Variants in ENOX1 observed in about 807,000 individuals in gnomAD.
ENOX1 encodes the protein ecto-NOX disulfide-thiol exchanger 1, also known as candidate growth-related and time keeping constitutive hydroquinone (NADH) oxidase.
A neutral mutation model predicts 82.5 loss-of-function variants in ENOX1; 42 were observed. The observed-to-expected ratio is 0.51, with a 90% CI of 0.40 to 0.66. The LOEUF (loss-of-function observed/expected upper bound fraction) is 0.66, where lower values mean the gene tolerates loss of function less well. Among genes scored for constraint, ENOX1 ranks in the 30% least tolerant of loss-of-function variants. ENOX1 has a pLI of 0.00. For synonymous variants in ENOX1, 271 were observed against 282.2 expected, an observed-to-expected ratio of 0.96 and a Z score of 0.40; for missense variants, 608 against 811.6, an observed-to-expected ratio of 0.75 and a Z score of 3.05.
At chr13:43,506,094 C>T (rs2077150253) in intron 2 of ENOX1, among the ~76,000 whole-genome samples, 1 of 152,012 alleles carries the variant, frequency 6.6e-6, no homozygotes, top group Admixed American at 6.6e-5. Context: ...CGGCTCTGTT[C>T]TCTTCCATTG....
chr13:43,464,019 A>G (rs1482096737), intron 3 of ENOX1, among the ~76,000 whole-genome samples: 2 of 152,208 alleles, frequency 1.3e-5, no homozygotes, highest in African/African-American at 2.4e-5. Flanking sequence ...GCTTACAGGC[A>G]CACACACAGG....
intron 2 of ENOX1, among the ~76,000 whole-genome samples, chr13:43,589,530 G>T (rs1281918545): frequency 6.6e-6 from 1 of 152,076 alleles, no homozygotes; most frequent in Non-Finnish European, 1.5e-5. Flanking sequence ...TATCAAGATA[G>T]GGTGTCACTC....
intron 12 of ENOX1, among the ~76,000 whole-genome samples, chr13:43,284,737 C>T (rs2045588358): frequency 6.6e-6 from 1 of 150,926 alleles, no homozygotes; most frequent in Admixed American, 6.6e-5. Flanking sequence ...ATTTTCTTCC[C>T]CAGTAAATAA....
chr13:43,617,232 G>A (rs903072903), intron 2 of ENOX1, among the ~76,000 whole-genome samples: 5 of 152,150 alleles, frequency 3.3e-5, no homozygotes, highest in Non-Finnish European at 4.4e-5. Flanking sequence ...TGGGCATTCC[G>A]TGTGTTTCTG....
chr13:43,683,400 C>T (rs1473802873), intron 1 of ENOX1, among the ~76,000 whole-genome samples: 1 of 152,048 alleles, frequency 6.6e-6, no homozygotes, highest in African/African-American at 2.4e-5. Context: ...AGATGCACTA[C>T]ACTAATGTAA....
In ENOX1 at chr13:43,557,293, G is replaced by A. The variant is rs2079482719; in HGVS notation, c.-218-73141C>T. Among the ~76,000 whole-genome samples the A allele has an allele frequency of 2.6e-5, 4 of 152,142 alleles. No homozygotes were observed. The South Asian group carries it at 8.3e-4, about 32-fold the overall frequency. The stretch of plus-strand genomic sequence containing the variant: ...CAGATTTCATGTATGGCCAGAAGGT[G>A]GTAGGGGTTTCCATAAAGCGGTCTG... On this transcript the variant is annotated intron_variant, in intron 2 of 16. Coordinates refer to ENST00000690772, the MANE Select transcript of ENOX1 (RefSeq NM_001347969.2).
At chr13:43,780,901 A>C (rs900655433) in intron 1 of ENOX1, among the ~76,000 whole-genome samples, 14 of 152,196 alleles carry the variant, frequency 9.2e-5, no homozygotes, top group African/African-American at 3.4e-4. Flanking sequence ...AGAGATGTTA[A>C]CACAGCACCT....
At chr13:43,534,748 T>G (rs907540946) in intron 2 of ENOX1, among the ~76,000 whole-genome samples, 4 of 152,138 alleles carry the variant, frequency 2.6e-5, no homozygotes, top group African/African-American at 9.7e-5. Flanking sequence ...CTGGAGACAT[T>G]TTTGGCTATC....
At chr13:43,600,713 T>G (rs544841570) in intron 2 of ENOX1, among the ~76,000 whole-genome samples, 1 of 152,100 alleles carries the variant, frequency 6.6e-6, no homozygotes, top group African/African-American at 2.4e-5. Flanking sequence ...CCGCAGGCCT[T>G]CGGCAAGACC....
chr13:43,285,510 C>T (rs2045640815), intron 12 of ENOX1, among the ~76,000 whole-genome samples: 1 of 152,018 alleles, frequency 6.6e-6, no homozygotes, highest in South Asian at 2.1e-4. Flanking sequence ...AACTGCTACT[C>T]CCACCTATAT....
chr13:43,327,350 T>C (rs774384667), intron 9 of ENOX1, among the ~76,000 whole-genome samples: 1 of 152,204 alleles, frequency 6.6e-6, no homozygotes, highest in Non-Finnish European at 1.5e-5. Context: ...TGACTTAATT[T>C]AGTACTTCTG....
At chr13:43,510,948 T>C (rs1278957312) in intron 2 of ENOX1, among the ~76,000 whole-genome samples, 2 of 152,082 alleles carry the variant, frequency 1.3e-5, no homozygotes, top group East Asian at 3.9e-4. Context: ...GCAGAAAAAA[T>C]ATAAGGAAAT....
chr13:43,650,664 C>CG lies in ENOX1; in HGVS notation c.-219+16814_-219+16815insC, dbSNP rs2084121710. ...GACCATCCTGGGCAACATGGTGAAA[C>CG]CCGTCTCTACTAAAAACACAAAAAT... is the stretch of plus-strand genomic sequence containing the variant. On this transcript the variant is annotated intron_variant, in intron 2 of 16. Transcript: ENST00000690772. Among the ~76,000 whole-genome samples the CG allele has an allele frequency of 0.038, 6 of 158 alleles. No homozygotes were observed. The South Asian group carries it at 0.5, about 13-fold the overall frequency. The allele number at this position is 158 out of a possible 152,430, so 0.1% of individuals were successfully genotyped here.
At chr13:43,718,676 C>A (rs2088326491) in intron 1 of ENOX1, among the ~76,000 whole-genome samples, 1 of 55,586 alleles carries the variant, frequency 1.8e-5, no homozygotes, top group Non-Finnish European at 3.1e-5. Context: ...GACTCCGTCT[C>A]AAAAAAAAAA....
chr13:43,364,502 G>A (rs982880026), intron 5 of ENOX1, among the ~76,000 whole-genome samples: 2 of 152,070 alleles, frequency 1.3e-5, no homozygotes, highest in Admixed American at 6.5e-5. Context: ...GCCAAGGCTC[G>A]GCAAAGGTTT....
chr13:43,731,548 G>A (rs2089350726), intron 1 of ENOX1, among the ~76,000 whole-genome samples: 1 of 146,792 alleles, frequency 6.8e-6, no homozygotes, highest in Non-Finnish European at 1.5e-5. Flanking sequence ...TCTTTAGGAA[G>A]AATTTGAGAA....
intron 5 of ENOX1, among the ~76,000 whole-genome samples, chr13:43,406,726 C>T (rs1251286392): frequency 6.6e-6 from 1 of 152,040 alleles, no homozygotes; most frequent in Non-Finnish European, 1.5e-5. Context: ...ATCTCCTGAC[C>T]TCTTGATCCG....
chr13:43,691,598 C>A (rs138439898), intron 1 of ENOX1, among the ~76,000 whole-genome samples: 73 of 152,124 alleles, frequency 4.8e-4, no homozygotes, highest in African/African-American at 1.2e-3. Flanking sequence ...CAAGTCTCTG[C>A]CTAGTATGTA....
At chr13:43,353,988 A>T (rs2049979121) in intron 8 of ENOX1, among the ~76,000 whole-genome samples, 1 of 152,256 alleles carries the variant, frequency 6.6e-6, no homozygotes. Context: ...GGTTCTTAAA[A>T]ACAACATAAC....
Sources: gnomAD v4.1 joint callset for allele counts (sites outside exome capture counted in the v4.1 genomes callset) on GRCh38, gnomAD v4.1.1 for gene constraint, MANE v1.5 for transcripts, NCBI Gene and HGNC (gene_info 2026-07-23, HGNC 2026-07-21) for gene names.